RARB: variants seen among roughly 807,000 people sequenced by gnomAD.
The protein encoded by RARB is retinoic acid receptor beta.
Under a neutral mutation model 51.9 loss-of-function variants are expected in RARB, and 17 were observed. The ratio of observed to expected loss-of-function variants is 0.33; its 90% CI spans 0.22 to 0.49. The LOEUF is 0.49. Among genes scored for constraint, RARB ranks in the 20% least tolerant of loss-of-function variants. The pLI is 0.99. For synonymous variants in RARB, 215 were observed against 195.4 expected (o/e 1.10, Z -0.84); for missense variants, 369 against 550.8 (o/e 0.67, Z 3.30).
intron 3 of RARB, among the ~76,000 whole-genome samples, chr3:25,519,830 A>C (rs1490393775): frequency 6.6e-6 from 1 of 152,246 alleles, no homozygotes; most frequent in East Asian, 1.9e-4. Flanking sequence ...GGCATTGACA[A>C]TGCTTTAGAT....
intron 3 of RARB, among the ~76,000 whole-genome samples, chr3:25,514,866 A>C (rs1381624326): frequency 2.6e-5 from 4 of 152,210 alleles, no homozygotes; most frequent in Admixed American, 2.0e-4. Flanking sequence ...AAGGAGTCCC[A>C]CTTTATGTCC....
intron 2 of RARB, among the ~76,000 whole-genome samples, chr3:24,951,990 T>G (rs568969728): frequency 6.6e-6 from 1 of 151,132 alleles, no homozygotes; most frequent in Non-Finnish European, 1.5e-5. Flanking sequence ...CAAATTGCCC[T>G]GTATTCAAGT....
chr3:25,448,248 A>G (rs1709036884), intron 1 of RARB, among the ~76,000 whole-genome samples: 1 of 152,028 alleles, frequency 6.6e-6, no homozygotes, highest in Non-Finnish European at 1.5e-5. Flanking sequence ...AAAGACCTGA[A>G]CCTTGGGGGA....
intron 5 of RARB, among the ~76,000 whole-genome samples, chr3:25,232,109 A>C (rs9866114): frequency 0.02 from 2,999 of 152,206 alleles, 97 homozygotes; most frequent in African/African-American, 0.068. Flanking sequence ...AAAAAACTAA[A>C]TTTTTTACAA....
chr3:25,200,968 AT>A (rs1006354934), intron 5 of RARB, among the ~76,000 whole-genome samples: 6 of 152,280 alleles, frequency 3.9e-5, no homozygotes, highest in African/African-American at 1.4e-4. Flanking sequence ...GTTTTTTCCA[AT>A]TCTGTGAAGA....
intron 5 of RARB, among the ~76,000 whole-genome samples, chr3:25,306,579 A>T (rs1375455249): frequency 6.6e-6 from 1 of 152,134 alleles, no homozygotes; most frequent in African/African-American, 2.4e-5. Flanking sequence ...GGAAAATTGC[A>T]TTGGAATGCT....
chr3:25,401,895 G>C (rs1049640430), intron 5 of RARB, among the ~76,000 whole-genome samples: 3 of 152,120 alleles, frequency 2.0e-5, no homozygotes, highest in Non-Finnish European at 4.4e-5. Context: ...TACTACCTCA[G>C]CCTCCTGAGT....
chr3:24,946,536 C>G lies in RARB; in HGVS notation c.-380+87784C>G, dbSNP rs550801302. 5.8e-4 allele frequency among the ~76,000 whole-genome samples: 88 copies of G among 151,944 alleles called. 1 individual carries two copies. The South Asian group carries it at 0.018, about 30-fold the overall frequency. ...TGTTTCTACTATAACATAATGTGTG[C>G]TTAAAAAACCTAGAGTTCTAAAAAA... is the stretch of plus-strand genomic sequence containing the variant. On this transcript the variant is annotated intron_variant, in intron 2 of 11. Transcript: ENST00000383772.
Position 24,926,182 on chromosome 3 carries a change from G to A in RARB, c.-380+67430G>A, listed in dbSNP as rs146105841. Among the ~76,000 whole-genome samples the A allele has an allele frequency of 1.9e-3, 291 of 152,236 alleles. 1 individual carries two copies. Among genetic ancestry groups the A allele is most frequent in the African/African-American group, 6.2e-3 (256 of 41,548 alleles). On this transcript the variant is annotated intron_variant, in intron 2 of 11. Coordinates refer to the RARB transcript ENST00000383772. Reference sequence around the variant, plus strand: ...GTTTGACCAAAGAGAATGAGGCAAAGCAGTAGGATGTTTGTTAGCAGTAAG... The same window carrying A: ...GTTTGACCAAAGAGAATGAGGCAAAACAGTAGGATGTTTGTTAGCAGTAAG...
At chr3:25,128,755 T>A (rs1162351982) in intron 3 of RARB, among the ~76,000 whole-genome samples, 1 of 151,816 alleles carries the variant, frequency 6.6e-6, no homozygotes, top group Non-Finnish European at 1.5e-5. Context: ...AACAACTAAA[T>A]ATTCTGGGAG....
At chr3:25,578,129 T>C (rs1157792279) in intron 4 of RARB, among the ~76,000 whole-genome samples, 2 of 152,190 alleles carry the variant, frequency 1.3e-5, no homozygotes, top group African/African-American at 2.4e-5. Flanking sequence ...CTGCTGAAAA[T>C]CCACGCTTCG....
chr3:25,451,922 ATAT>A (rs1709211449), intron 1 of RARB, among the ~76,000 whole-genome samples: 1 of 152,206 alleles, frequency 6.6e-6, no homozygotes, highest in Non-Finnish European at 1.5e-5. Context: ...CCTTTTGTAA[ATAT>A]TATGGGAATC....
intron 5 of RARB, among the ~76,000 whole-genome samples, chr3:25,379,252 TTTG>T (rs1178000971): frequency 2.0e-5 from 3 of 152,064 alleles, no homozygotes; most frequent in Non-Finnish European, 4.4e-5. Context: ...CATGGAAACA[TTTG>T]TTATTTTCTA....
At chr3:25,264,723 GA>G (rs1412149384) in intron 5 of RARB, among the ~76,000 whole-genome samples, 1 of 152,010 alleles carries the variant, frequency 6.6e-6, no homozygotes, top group Non-Finnish European at 1.5e-5. Context: ...AATAATATGG[GA>G]ATATAACTTT....
At chr3:25,491,583 T>C (rs1696739105) in intron 2 of RARB, among the ~76,000 whole-genome samples, 1 of 152,254 alleles carries the variant, frequency 6.6e-6, no homozygotes, top group Non-Finnish European at 1.5e-5. Context: ...TTCTGTAGCC[T>C]GGACTGACTA....
At chr3:24,847,692 T>G (rs75497277) in intron 1 of RARB, among the ~76,000 whole-genome samples, 2,079 of 152,352 alleles carry the variant, frequency 0.014, 46 homozygotes, top group African/African-American at 0.048. Flanking sequence ...CCCTAGGTAG[T>G]TGGCCACCAT....
intron 2 of RARB, chr3:25,060,095 G>C (rs954241986): frequency 6.6e-6 from 1 of 151,796 alleles, no homozygotes; most frequent in African/African-American, 2.4e-5. Flanking sequence ...GGATTTGGAA[G>C]ACTGTCTAAT....
chr3:25,288,658 T>C (rs1166230488), intron 5 of RARB, among the ~76,000 whole-genome samples: 1 of 152,110 alleles, frequency 6.6e-6, no homozygotes, highest in Non-Finnish European at 1.5e-5. Flanking sequence ...TTCTTGATCA[T>C]CCATTGTACT....
chr3:25,471,260 A>G (rs1040828591), intron 2 of RARB, among the ~76,000 whole-genome samples: 2 of 152,110 alleles, frequency 1.3e-5, no homozygotes, highest in African/African-American at 4.8e-5. Flanking sequence ...GTCCTCTCTG[A>G]TACTATCTTT....
Sources: allele counts gnomAD v4.1 joint callset (sites outside exome capture counted in the v4.1 genomes callset), GRCh38; gene constraint gnomAD v4.1.1; transcripts MANE v1.5; gene names NCBI Gene and HGNC (gene_info 2026-07-23, HGNC 2026-07-21).